DLGAP2: variants seen among roughly 807,000 people sequenced by gnomAD.
DLGAP2 encodes disks large-associated protein 2.
A neutral mutation model predicts 100.3 loss-of-function variants in DLGAP2; 26 were observed. The ratio of observed to expected loss-of-function variants is 0.26; its 90% CI spans 0.19 to 0.36. The LOEUF (loss-of-function observed/expected upper bound fraction) is 0.36. Ranked by LOEUF, DLGAP2 falls within the 10% of genes least tolerant of loss-of-function variation. DLGAP2 has a pLI of 1.00. For synonymous variants in DLGAP2, 886 were observed against 630.1 expected, an observed-to-expected ratio of 1.41 and a Z score of -6.08; for missense variants, 1,858 against 1,453.2, an observed-to-expected ratio of 1.28 and a Z score of -4.53.
intron 2 of DLGAP2, among the ~76,000 whole-genome samples, chr8:911,346 G>A (rs1451152124): frequency 6.6e-6 from 1 of 151,820 alleles, no homozygotes; most frequent in East Asian, 1.9e-4. Context: ...CATGTATAAC[G>A]TACATTGGGA....
At chr8:742,240 G>A (rs540008564) in intron 1 of DLGAP2, among the ~76,000 whole-genome samples, 8 of 152,018 alleles carry the variant, frequency 5.3e-5, no homozygotes, top group African/African-American at 9.6e-5. Context: ...CGTGTGTATC[G>A]GCAGGAAAAA....
intron 2 of DLGAP2, among the ~76,000 whole-genome samples, chr8:1,214,842 C>T (rs1010162194): frequency 2.6e-5 from 4 of 152,218 alleles, no homozygotes; most frequent in Admixed American, 6.5e-5. Flanking sequence ...TGAATTAAAG[C>T]CAAGCCATCT....
chr8:967,043 C>T (rs1294876436), intron 2 of DLGAP2, among the ~76,000 whole-genome samples: 1 of 152,184 alleles, frequency 6.6e-6, no homozygotes, highest in Non-Finnish European at 1.5e-5. Context: ...ATTTGGGTTA[C>T]TTTTCTTTTA....
intron 1 of DLGAP2, among the ~76,000 whole-genome samples, chr8:791,201 G>A (rs1822017364): frequency 6.6e-6 from 1 of 152,154 alleles, no homozygotes; most frequent in Non-Finnish European, 1.5e-5. Flanking sequence ...TTAATAATCA[G>A]CCCTAATCCT....
intron 1 of DLGAP2, among the ~76,000 whole-genome samples, chr8:887,180 A>G (rs1163349947): frequency 6.6e-6 from 1 of 151,150 alleles, no homozygotes; most frequent in Non-Finnish European, 1.5e-5. Context: ...GTCAGAGATT[A>G]GGATTGCAAC....
At chr8:1,159,986 C>T (rs907668129) in intron 2 of DLGAP2, among the ~76,000 whole-genome samples, 2 of 152,100 alleles carry the variant, frequency 1.3e-5, no homozygotes, top group African/African-American at 4.8e-5. Context: ...GTTGTGGAGG[C>T]GTCTTTAAGT....
chr8:1,321,547 A>G (rs1800902592), intron 3 of DLGAP2, among the ~76,000 whole-genome samples: 2 of 152,208 alleles, frequency 1.3e-5, no homozygotes, highest in South Asian at 2.1e-4. Context: ...TCTGCCTTCT[A>G]AGTCCTGAGC....
chr8:1,269,697 AC>A (rs34778169), intron 3 of DLGAP2, among the ~76,000 whole-genome samples: 3 of 151,546 alleles, frequency 2.0e-5, no homozygotes, highest in East Asian at 3.9e-4. Flanking sequence ...ATGACTGTGC[AC>A]CCCCCTCCCC....
Position 1,668,918 on chromosome 8 carries a change from T to TCC in DLGAP2, c.2160+241_2160+242dup, listed in dbSNP as rs1798617836. 2.6e-5 allele frequency among the ~76,000 whole-genome samples: 4 copies of TCC among 151,200 alleles called. No individual in the cohort carries two copies. The South Asian group carries it at 8.3e-4, about 32-fold the overall frequency. On this transcript the variant is annotated intron_variant, in intron 9 of 14. Coordinates refer to ENST00000637795, the MANE Select transcript of DLGAP2 (RefSeq NM_001346810.2). ...GCAGGGCTGAAGGAAACCCAGGGGT[T>TCC]CCAGCTCCCTGTCCCCTGCCACCCT... is the stretch of plus-strand genomic sequence containing the variant.
intron 4 of DLGAP2, among the ~76,000 whole-genome samples, chr8:1,545,388 A>G (rs1801499338): frequency 6.6e-6 from 1 of 152,218 alleles, no homozygotes; most frequent in Non-Finnish European, 1.5e-5. Context: ...TGCAACAGTA[A>G]GACGTGCATT....
intron 3 of DLGAP2, among the ~76,000 whole-genome samples, chr8:1,307,628 C>T (rs556272045): frequency 1.5e-4 from 23 of 152,040 alleles, no homozygotes; most frequent in African/African-American, 4.1e-4. Context: ...GCAATAGACA[C>T]GTAAATGGAT....
chr8:988,774 C>T (rs1584950755), intron 2 of DLGAP2, among the ~76,000 whole-genome samples: 3 of 152,092 alleles, frequency 2.0e-5, no homozygotes, highest in South Asian at 2.1e-4. Context: ...GCCTGTCCCC[C>T]GGGGACCTGG....
intron 2 of DLGAP2, among the ~76,000 whole-genome samples, chr8:997,915 A>G (rs1372557873): frequency 1.3e-5 from 2 of 151,750 alleles, no homozygotes; most frequent in Non-Finnish European, 2.9e-5. Flanking sequence ...CATGCATACA[A>G]ACATGCACAC....
At chr8:823,784 G>T (rs924622899) in intron 1 of DLGAP2, among the ~76,000 whole-genome samples, 1 of 152,208 alleles carries the variant, frequency 6.6e-6, no homozygotes. Flanking sequence ...TGTCAGAAGT[G>T]CAGGGAGGCC....
chr8:1,013,698 CATTGTGTGTATG>C, intron 2 of DLGAP2, among the ~76,000 whole-genome samples: 1 of 81,536 alleles, frequency 1.2e-5, no homozygotes, highest in Admixed American at 1.3e-4. Context: ...ACGATGCCTC[CATTGTGTGTATG>C]ACCAGGACAG....
chr8:1,460,403 T>C (rs1798440835), intron 3 of DLGAP2, among the ~76,000 whole-genome samples: 1 of 152,232 alleles, frequency 6.6e-6, no homozygotes, highest in Non-Finnish European at 1.5e-5. Context: ...GCTAGGACTT[T>C]AATCAGCTGA....
intron 3 of DLGAP2, among the ~76,000 whole-genome samples, chr8:1,353,654 G>T (rs939590905): frequency 1.3e-5 from 2 of 152,148 alleles, no homozygotes; most frequent in Admixed American, 1.3e-4. Context: ...GATAAAAATA[G>T]AGGCAAATCT....
intron 3 of DLGAP2, among the ~76,000 whole-genome samples, chr8:1,442,198 G>C (rs1357457789): frequency 2.9e-5 from 3 of 103,662 alleles, no homozygotes; most frequent in Non-Finnish European, 7.2e-5. Flanking sequence ...GACCTGCCAG[G>C]CTGCTGATGG....
At chr8:976,338 G>A (rs73538106) in intron 2 of DLGAP2, among the ~76,000 whole-genome samples, 2,452 of 152,144 alleles carry the variant, frequency 0.016, 71 homozygotes, top group African/African-American at 0.057. Flanking sequence ...CAGGCCGGGC[G>A]TGATGGTTCA....
Sources: gnomAD v4.1 joint callset for allele counts (sites outside exome capture counted in the v4.1 genomes callset) on GRCh38, gnomAD v4.1.1 for gene constraint, MANE v1.5 for transcripts, NCBI Gene and HGNC (gene_info 2026-07-23, HGNC 2026-07-21) for gene names.